WWC2: variants seen among roughly 807,000 people sequenced by gnomAD.
WWC2 encodes protein WWC2.
Under a neutral mutation model 138.5 loss-of-function variants are expected in WWC2, and 101 were observed. That is an observed-to-expected ratio of 0.73 (90% confidence interval 0.62 to 0.86). WWC2 has a LOEUF of 0.86. Ranked by LOEUF, WWC2 falls within the 40% of genes least tolerant of loss-of-function variation. WWC2 has a pLI of 0.00. For missense variants in WWC2, 1,420 were observed against 1,419.4 expected, an observed-to-expected ratio of 1.00 and a Z score of -0.01; for synonymous variants, 558 against 538.4, an observed-to-expected ratio of 1.04 and a Z score of -0.50.
At chr4:183,210,526 T>C (rs914501869) in intron 4 of WWC2, among the ~76,000 whole-genome samples, 2 of 152,230 alleles carry the variant, frequency 1.3e-5, no homozygotes. Flanking sequence ...TATCTCCATG[T>C]ATGCCATAAC....
Position 183,289,605 on chromosome 4 carries a change from C to T in WWC2, c.3354C>T (p.Phe1118=). The T allele has an allele frequency of 6.2e-7, 1 of 1,613,774 alleles. No individual in the cohort carries two copies. Among genetic ancestry groups the T allele is most frequent in the South Asian group, 1.1e-5 (1 of 91,048 alleles). The part of the protein sequence containing the change: ...LPPGVLEDER[F]QRLLKQAEKQ... ...CAGGCGTGCTGGAGGATGAGAGGTTCCAGAGGCTTCTGAAGCAAGCTGAGA... is the reference window on the plus strand; with the variant it reads ...CAGGCGTGCTGGAGGATGAGAGGTTTCAGAGGCTTCTGAAGCAAGCTGAGA... The change falls in exon 21 of 23, where the codon TTC becomes TTT. Residue 1118 remains phenylalanine (F), a synonymous_variant. Transcript: ENST00000403733.
intron 11 of WWC2, among the ~76,000 whole-genome samples, chr4:183,263,819 G>A (rs1262596643): frequency 6.6e-6 from 1 of 152,152 alleles, no homozygotes; most frequent in Non-Finnish European, 1.5e-5. Flanking sequence ...GGGGACGTCT[G>A]CCCTGCATGT....
intron 8 of WWC2, among the ~76,000 whole-genome samples, chr4:183,251,911 A>G (rs1736993374): frequency 6.6e-6 from 1 of 152,240 alleles, no homozygotes; most frequent in Non-Finnish European, 1.5e-5. Context: ...AATGAAGCTA[A>G]TAATATCATG....
chr4:183,119,061 C>T (rs948531743), intron 1 of WWC2, among the ~76,000 whole-genome samples: 1 of 152,054 alleles, frequency 6.6e-6, no homozygotes, highest in Non-Finnish European at 1.5e-5. Context: ...CTAGTGATTG[C>T]TTAGACTTGC....
intron 2 of WWC2, among the ~76,000 whole-genome samples, chr4:183,201,036 C>T (rs1338230586): frequency 6.6e-6 from 1 of 152,160 alleles, no homozygotes; most frequent in Non-Finnish European, 1.5e-5. Flanking sequence ...GTTGCACTCA[C>T]ATATATAAAT....
chr4:183,305,803 T>C (rs1739006754), intron 21 of WWC2, among the ~76,000 whole-genome samples: 1 of 152,186 alleles, frequency 6.6e-6, no homozygotes. Flanking sequence ...GTTAGCAACA[T>C]GGATCTATGT....
intron 1 of WWC2, among the ~76,000 whole-genome samples, chr4:183,160,335 A>G (rs1051146936): frequency 6.6e-6 from 1 of 152,238 alleles, no homozygotes; most frequent in Non-Finnish European, 1.5e-5. Context: ...GCCAACAAAG[A>G]TAAAAGTGCA....
At chr4:183,250,914 G>A (rs533250918) in intron 8 of WWC2, among the ~76,000 whole-genome samples, 44 of 152,222 alleles carry the variant, frequency 2.9e-4, no homozygotes, top group African/African-American at 7.5e-4. Flanking sequence ...GCAATTGGCC[G>A]TAGTCCTTAG....
In WWC2 at chr4:183,265,971, A is replaced by G; in HGVS notation, c.2207+20A>G. The G allele has an allele frequency of 6.3e-7, 1 of 1,593,344 alleles. No individual in the cohort carries two copies. Among genetic ancestry groups the G allele is most frequent in the South Asian group, 1.1e-5 (1 of 88,250 alleles). ...AAAAGTGTAAGTAAAATCAGCGAAG[A>G]TCAAATTGAGGAACTTAAACATTTC... On this transcript the variant is annotated intron_variant, in intron 14 of 22. Transcript: ENST00000403733.
intron 2 of WWC2, among the ~76,000 whole-genome samples, chr4:183,194,666 G>A (rs568163488): frequency 6.6e-6 from 1 of 152,238 alleles, no homozygotes; most frequent in African/African-American, 2.4e-5. Flanking sequence ...TGTGTAGGTA[G>A]ATGATGTATT....
At chr4:183,156,489 G>A (rs1049262695) in intron 1 of WWC2, among the ~76,000 whole-genome samples, 1 of 151,992 alleles carries the variant, frequency 6.6e-6, no homozygotes, top group Non-Finnish European at 1.5e-5. Context: ...ATGCCACCAT[G>A]CCTGGCTAGT....
chr4:183,138,537 A>G (rs1421299106), intron 1 of WWC2, among the ~76,000 whole-genome samples: 4 of 152,196 alleles, frequency 2.6e-5, no homozygotes, highest in Non-Finnish European at 5.9e-5. Context: ...TTTGTACTTC[A>G]GTGGCAGAGT....
At chr4:183,211,587 A>G (rs1735598954) in intron 4 of WWC2, among the ~76,000 whole-genome samples, 1 of 152,146 alleles carries the variant, frequency 6.6e-6, no homozygotes, top group Non-Finnish European at 1.5e-5. Context: ...AAAGCTCTTC[A>G]AAATCCCAGT....
chr4:183,307,914 CTTTG>C (rs1446352957), intron 21 of WWC2, among the ~76,000 whole-genome samples: 16 of 151,650 alleles, frequency 1.1e-4, no homozygotes, highest in Non-Finnish European at 1.3e-4. Context: ...TCAGCATTGT[CTTTG>C]TTTGTCTTTG....
chr4:183,208,884 A>T lies in WWC2; in HGVS notation c.446-65A>T. ...TAAATCTTGTTTTTAGCTTCAGTAA[A>T]TTCTAAGCTGAGAACTAGTTATGCA... On this transcript the variant is annotated intron_variant, in intron 3 of 22. Transcript: ENST00000403733. 3.5e-6 allele frequency: 4 copies of T among 1,153,616 alleles called. No homozygotes were observed. In the East Asian group the frequency reaches 7.7e-5, roughly 22 times the overall value. The allele number at this position is 1,153,616 out of a possible 1,614,324, so 71.5% of individuals were successfully genotyped here. A position where few individuals can be genotyped will look rare whatever the true frequency, so the allele number is the denominator to read the frequency against.
chr4:183,232,609 C>T (rs917878766), intron 4 of WWC2, among the ~76,000 whole-genome samples: 1 of 152,122 alleles, frequency 6.6e-6, no homozygotes. Flanking sequence ...AGAACTTCAT[C>T]CCCTGTACTG....
intron 22 of WWC2, among the ~76,000 whole-genome samples, chr4:183,315,024 G>A (rs1051455947): frequency 4.6e-5 from 7 of 152,344 alleles, no homozygotes; most frequent in Middle Eastern, 3.4e-3. Flanking sequence ...CAAGAAATAC[G>A]TGCTGACGGC....
chr4:183,298,405 G>A (rs907884112), intron 21 of WWC2, among the ~76,000 whole-genome samples: 1 of 152,174 alleles, frequency 6.6e-6, no homozygotes, highest in Admixed American at 6.5e-5. Flanking sequence ...CCCAGGGAAA[G>A]AGCCATTGGT....
At chr4:183,226,578 G>A (rs1736079615) in intron 4 of WWC2, among the ~76,000 whole-genome samples, 1 of 151,902 alleles carries the variant, frequency 6.6e-6, no homozygotes, top group Non-Finnish European at 1.5e-5. Flanking sequence ...AGAAGACAGG[G>A]AGAAATAGAG....
Sources: gnomAD v4.1 joint callset for allele counts (sites outside exome capture counted in the v4.1 genomes callset) on GRCh38, gnomAD v4.1.1 for gene constraint, MANE v1.5 for transcripts, NCBI Gene and HGNC (gene_info 2026-07-23, HGNC 2026-07-21) for gene names.